Variants in PNOC observed in about 807,000 individuals in gnomAD.
PNOC encodes the protein nociceptin.
PNOC carries 10 observed loss-of-function variants against 15.6 expected under a neutral mutation model. The observed-to-expected ratio is 0.64, with a 90% CI of 0.40 to 1.09. The LOEUF (loss-of-function observed/expected upper bound fraction) is 1.09, where lower values mean the gene tolerates loss of function less well. Among genes scored for constraint, PNOC ranks in the 50% least tolerant of loss-of-function variants. The pLI, the probability that PNOC is intolerant of heterozygous loss-of-function variation, is 0.01. For synonymous variants in PNOC, 98 were observed against 88.5 expected (o/e 1.11, Z -0.60); for missense variants, 220 against 223.9 (o/e 0.98, Z 0.11).
chr8:28,331,501 T>C (rs1203890717), intron 2 of PNOC, among the ~76,000 whole-genome samples: 3 of 152,074 alleles, frequency 2.0e-5, no homozygotes, highest in Non-Finnish European at 4.4e-5. Flanking sequence ...AACCCACCCA[T>C]ACATCCCAGG....
Position 28,337,882 on chromosome 8 carries a change from C to T in PNOC, c.127-1158C>T, listed in dbSNP as rs189348211. Among the ~76,000 whole-genome samples the T allele has an allele frequency of 9.2e-5, 14 of 152,238 alleles. No homozygotes were observed. In the East Asian group the frequency reaches 2.7e-3, roughly 29 times the overall value. On this transcript the variant is annotated intron_variant, in intron 2 of 3. Coordinates refer to ENST00000301908, the MANE Select transcript of PNOC (RefSeq NM_006228.5). ...CTGGGATTACAGGCGTGCGCCACCG[C>T]ACCCGGCCTACACTTCCATTTTTAT...
At chr8:28,331,977 G>A (rs1033949231) in intron 2 of PNOC, among the ~76,000 whole-genome samples, 6 of 152,216 alleles carry the variant, frequency 3.9e-5, no homozygotes, top group Non-Finnish European at 7.3e-5. Context: ...TGCAGTCTCT[G>A]TAAAGGTTTT....
intron 1 of PNOC, among the ~76,000 whole-genome samples, chr8:28,322,425 G>A (rs1801165372): frequency 6.6e-6 from 1 of 152,020 alleles, no homozygotes; most frequent in Admixed American, 6.6e-5. Flanking sequence ...AATAAAAAAG[G>A]TTGTCATCAG....
chr8:28,333,089 C>A (rs990316386), intron 2 of PNOC, among the ~76,000 whole-genome samples: 1 of 152,212 alleles, frequency 6.6e-6, no homozygotes, highest in East Asian at 1.9e-4. Context: ...CTATGCTCAT[C>A]TGCTGTATTT....
chr8:28,340,031 T>C (rs1204143297), intron 3 of PNOC: 1 of 152,224 alleles, frequency 6.6e-6, no homozygotes, highest in East Asian at 1.9e-4. Flanking sequence ...GACAAAGAGT[T>C]CCTGTTAAGA....
chr8:28,330,385 TA>T (rs1205734942), intron 2 of PNOC, among the ~76,000 whole-genome samples: 8 of 68,584 alleles, frequency 1.2e-4, no homozygotes, highest in East Asian at 2.7e-4. Context: ...TATTTTATTT[TA>T]TTTTATTTTA....
intron 2 of PNOC, among the ~76,000 whole-genome samples, chr8:28,336,638 T>C (rs983483958): frequency 6.6e-6 from 1 of 152,048 alleles, no homozygotes; most frequent in African/African-American, 2.4e-5. Context: ...GCTCAAGAGT[T>C]TGGAGCTGTT....
chr8:28,332,811 C>T (rs1801350009), intron 2 of PNOC, among the ~76,000 whole-genome samples: 2 of 152,068 alleles, frequency 1.3e-5, no homozygotes, highest in Non-Finnish European at 2.9e-5. Context: ...ATTAGCTGGG[C>T]ATGGTGATGC....
intron 1 of PNOC, among the ~76,000 whole-genome samples, chr8:28,319,131 G>A (rs1467324170): frequency 6.6e-6 from 1 of 151,986 alleles, no homozygotes; most frequent in African/African-American, 2.4e-5. Flanking sequence ...CCTGTGAGGT[G>A]GTGCCATTAT....
chr8:28,337,048 T>C (rs921764576), intron 2 of PNOC, among the ~76,000 whole-genome samples: 2 of 152,122 alleles, frequency 1.3e-5, no homozygotes, highest in African/African-American at 4.8e-5. Flanking sequence ...ATAGATTCAG[T>C]TCCTCACAAG....
chr8:28,334,015 T>A (rs1425585737), intron 2 of PNOC, among the ~76,000 whole-genome samples: 1 of 151,790 alleles, frequency 6.6e-6, no homozygotes, highest in Non-Finnish European at 1.5e-5. Flanking sequence ...CACTTTAGGA[T>A]GTTTACTGGC....
At chr8:28,331,629 C>T (rs2129879673) in intron 2 of PNOC, among the ~76,000 whole-genome samples, 1 of 152,348 alleles carries the variant, frequency 6.6e-6, no homozygotes, top group South Asian at 2.1e-4. Context: ...ATCCTGCCTT[C>T]TCTTCCTGCC....
chr8:28,328,364 C>T (rs1172276058), intron 1 of PNOC, among the ~76,000 whole-genome samples: 1 of 152,114 alleles, frequency 6.6e-6, no homozygotes, highest in Non-Finnish European at 1.5e-5. Flanking sequence ...AGGCATGAGC[C>T]ACTGTGCCTG....
chr8:28,338,507 AC>A, intron 2 of PNOC: 2 of 732,914 alleles, frequency 2.7e-6, no homozygotes, highest in Non-Finnish European at 3.3e-6. Context: ...GATAGTGACG[AC>A]TGCTGTACGC....
intron 2 of PNOC, among the ~76,000 whole-genome samples, chr8:28,334,920 T>A (rs1404521927): frequency 6.6e-6 from 1 of 152,226 alleles, no homozygotes; most frequent in East Asian, 1.9e-4. Flanking sequence ...GAAAAAGTAG[T>A]TCCCTTCCTC....
At chr8:28,332,272 C>T (rs937643026) in intron 2 of PNOC, among the ~76,000 whole-genome samples, 2 of 152,186 alleles carry the variant, frequency 1.3e-5, no homozygotes, top group Non-Finnish European at 2.9e-5. Flanking sequence ...AAATCCATTT[C>T]CAAATCTGGC....
At chr8:28,326,679 G>A (rs1163933163) in intron 1 of PNOC, among the ~76,000 whole-genome samples, 3 of 152,166 alleles carry the variant, frequency 2.0e-5, no homozygotes, top group East Asian at 1.9e-4. Context: ...GGCCAACATG[G>A]TGAAACCCTG....
chr8:28,333,371 G>A (rs753266719), intron 2 of PNOC, among the ~76,000 whole-genome samples: 1 of 152,160 alleles, frequency 6.6e-6, no homozygotes, highest in Non-Finnish European at 1.5e-5. Flanking sequence ...ACGCATTCTG[G>A]CTTAATATAG....
At chr8:28,326,078 G>A (rs1449077044) in intron 1 of PNOC, among the ~76,000 whole-genome samples, 3 of 152,124 alleles carry the variant, frequency 2.0e-5, no homozygotes, top group Non-Finnish European at 4.4e-5. Flanking sequence ...TTGGCCAGGT[G>A]CAGTGACTTA....
Sources: allele counts gnomAD v4.1 joint callset (sites outside exome capture counted in the v4.1 genomes callset), GRCh38; gene constraint gnomAD v4.1.1; transcripts MANE v1.5; gene names NCBI Gene and HGNC (gene_info 2026-07-23, HGNC 2026-07-21).